IQCN: variants seen among roughly 807,000 people sequenced by gnomAD.
The protein encoded by IQCN is IQ motif containing N.
In IQCN, 46 loss-of-function variants were observed where a neutral mutation model predicts 64.4. That is an observed-to-expected ratio of 0.71 (90% CI 0.56 to 0.91). IQCN has a LOEUF of 0.91. Among genes scored for constraint, IQCN ranks in the 40% least tolerant of loss-of-function variants. IQCN has a pLI of 0.00. For missense variants in IQCN, 1,753 were observed against 1,857.4 expected (o/e 0.94, Z 1.03); for synonymous variants, 733 against 775.6 (o/e 0.95, Z 0.91).
At chr19:18,273,894 T>G (rs1311407817) in intron 1 of IQCN, among the ~76,000 whole-genome samples, 1 of 151,886 alleles carries the variant, frequency 6.6e-6, no homozygotes, top group Admixed American at 6.6e-5. Flanking sequence ...ACTGGCTCGG[T>G]AATTTTGAGT....
Position 18,267,475 on chromosome 19 carries a change from G to GTA in IQCN, c.63_64dup (p.Thr22IlefsTer76). 1 of 1,531,782 alleles carries GTA rather than the reference G, an allele frequency of 6.5e-7. No individual in the cohort carries two copies. Among genetic ancestry groups the GTA allele is most frequent in the South Asian group, 1.3e-5 (1 of 76,204 alleles). The allele number at this position is 1,531,782 out of a possible 1,614,324, so 94.9% of individuals were successfully genotyped here. A position where few individuals can be genotyped will look rare whatever the true frequency, so the allele number is the denominator to read the frequency against. On this transcript the variant is annotated frameshift_variant, in exon 3 of 4. Coordinates refer to ENST00000392413, the MANE Select transcript of IQCN (RefSeq NM_001145304.2). LOFTEE classifies it high-confidence loss of function. ...CTGGGTGACAACTGGCTCGTGAACT[G>GTA]TAGCTAGGCGGCCGGCTGCATTGCC... is the stretch of plus-strand genomic sequence containing the variant.
At chr19:18,268,446 G>C (rs1464466946) in intron 2 of IQCN, among the ~76,000 whole-genome samples, 1 of 152,114 alleles carries the variant, frequency 6.6e-6, no homozygotes, top group Non-Finnish European at 1.5e-5. Flanking sequence ...CTGAATGGAT[G>C]AATCAGTCGA....
chr19:18,263,768 G>A (rs1279431107), intron 3 of IQCN, among the ~76,000 whole-genome samples: 1 of 152,112 alleles, frequency 6.6e-6, no homozygotes, highest in Non-Finnish European at 1.5e-5. Flanking sequence ...GGCCCCCACA[G>A]GTGAGGTAAG....
Position 18,264,855 on chromosome 19 carries a change from G to T in IQCN, c.2685C>A (p.Arg895=), listed in dbSNP as rs1186473220. ...GGGAGAGGGCTTTGGCCAACAGAGT[G>T]CGGAGATCCTCCTGGGATGCCAGCA... The part of the protein sequence containing the change: ...AGVLASQEDL[R]TLLAKALSQG... The change falls in exon 3 of 4, where the codon CGC becomes CGA. Residue 895 remains arginine, a synonymous_variant. Coordinates refer to ENST00000392413, the MANE Select transcript of IQCN (RefSeq NM_001145304.2). The surrounding 1 kb of genome is among the most constrained non-coding windows in gnomAD (Gnocchi z 4.3). 1.9e-6 allele frequency: 3 copies of T among 1,602,244 alleles called. No individual in the cohort carries two copies. In the African/African-American group the frequency reaches 4.0e-5, roughly 21 times the overall value.
In IQCN at chr19:18,266,726, C is replaced by A; in HGVS notation, c.814G>T (p.Val272Phe). 6.2e-7 allele frequency: 1 copy of A among 1,614,072 alleles called. No individual in the cohort carries two copies. The highest frequency in any genetic ancestry group is 8.5e-7 in the Non-Finnish European group (1 of 1,180,014). ...LTRTIRSTCLVHIEGDSVKTK... is the reference protein window; with the variant it reads ...LTRTIRSTCLFHIEGDSVKTK... ...TTCACTGAGTCACCCTCTATGTGGA[C>A]GAGGCAGGTGCTTCTGATGGTTCTG... The change falls in exon 3 of 4, where the codon GTC becomes TTC. Residue 272 changes from valine (V) to phenylalanine (F), a missense_variant. Coordinates refer to ENST00000392413, the MANE Select transcript of IQCN (RefSeq NM_001145304.2). This position sits in a 1 kb window ranked among gnomAD's most constrained non-coding sequence, Gnocchi z 4.3.
At position 18,267,002 on chromosome 19, in the gene IQCN, G is replaced by A. The variant is rs375616518; in HGVS notation, c.538C>T (p.Arg180Cys). ...ACCATGATGGGCGGGGACAGAAGGC[G>A]GTTCTCTTCCGGATGCTGGAAGCGC... Reference protein sequence around the residue: ...QVRFQHPEENRLLSPPIMVNK... With the variant: ...QVRFQHPEENCLLSPPIMVNK... The change falls in exon 3 of 4, where the codon CGC becomes TGC. Residue 180 changes from arginine (R) to cysteine (C), a missense_variant. Transcript: ENST00000392413. 88 of 1,614,096 alleles carry A rather than the reference G, an allele frequency of 5.5e-5. No individual in the cohort carries two copies. Among genetic ancestry groups the A allele is most frequent in the South Asian group, 2.5e-4 (23 of 91,092 alleles).
chr19:18,263,451 G>A (rs1292814736), intron 3 of IQCN, among the ~76,000 whole-genome samples: 1 of 152,206 alleles, frequency 6.6e-6, no homozygotes, highest in African/African-American at 2.4e-5. Flanking sequence ...AGAACCCTGT[G>A]TTCGATTCCT....
Position 18,257,343 on chromosome 19 carries a change from A to G in IQCN, c.3941T>C (p.Phe1314Ser), listed in dbSNP as rs1229322649. Reference sequence around the variant, plus strand: ...CTGCCTCATCTGCTGGCGGATCTTAAAGCCCCTCCAGGCGGACTGGATGGC... The same window carrying G: ...CTGCCTCATCTGCTGGCGGATCTTAGAGCCCCTCCAGGCGGACTGGATGGC... The part of the protein sequence containing the change: ...ATAIQSAWRG[F>S]KIRQQMRQQQ... The change falls in exon 4 of 4, where the codon TTT becomes TCT. Residue 1314 changes from phenylalanine to serine, a missense_variant. By Grantham distance (155) the Phe-to-Ser change is radical (BLOSUM62 -2). Transcript: ENST00000392413. The G allele has an allele frequency of 1.2e-6, 2 of 1,612,928 alleles. No individual in the cohort carries two copies. The highest frequency in any genetic ancestry group is 2.7e-5 in the African/African-American group (2 of 74,950).
chr19:18,271,727 G>A (rs1405512564), intron 1 of IQCN, among the ~76,000 whole-genome samples: 1 of 152,120 alleles, frequency 6.6e-6, no homozygotes, highest in African/African-American at 2.4e-5. Context: ...GATGTGCACT[G>A]GAAACCTAAG....
Position 18,265,118 on chromosome 19 carries a change from G to A in IQCN, c.2422C>T (p.Pro808Ser). ...GTCTTCCCCGGCACGTGTCCGTGGG[G>A]CTGTGGCTGGGTCTGTCTGTCCTCT... ...KPEDRQTQPQ[P>S]HGHVPGKTTQ... Residue 808 changes from proline (P) to serine (S), a missense_variant, in exon 3 of 4, where the codon CCC becomes TCC. Physicochemically the swap from Pro to Ser is moderately conservative, Grantham distance 74. Transcript: ENST00000392413. This position sits in a 1 kb window ranked among gnomAD's most constrained non-coding sequence, Gnocchi z 4.7. The A allele has an allele frequency of 6.2e-7, 1 of 1,604,890 alleles. No individual in the cohort carries two copies. The highest frequency in any genetic ancestry group is 8.5e-7 in the Non-Finnish European group (1 of 1,179,774).
At chr19:18,267,871 C>A (rs2384988) in intron 2 of IQCN, 20,516 of 173,812 alleles carry the variant, frequency 0.12, 3,287 homozygotes, top group African/African-American at 0.39. Context: ...TGGCTCACCA[C>A]AACCTCCGCC....
At chr19:18,274,045 A>G (rs1310577894) in intron 1 of IQCN, among the ~76,000 whole-genome samples, 1 of 152,166 alleles carries the variant, frequency 6.6e-6, no homozygotes, top group African/African-American at 2.4e-5. Context: ...CCAAGGTGGG[A>G]GGATCGCTGC....
In IQCN at chr19:18,264,310, G is replaced by A; in HGVS notation, c.3177+53C>T. ...ATCCCCCATCTCCTCCAAGGGCCCGGCAGGTTGGCCCATGGTGAAACAACC... is the reference window on the plus strand; with the variant it reads ...ATCCCCCATCTCCTCCAAGGGCCCGACAGGTTGGCCCATGGTGAAACAACC... On this transcript the variant is annotated intron_variant, in intron 3 of 3. Transcript: ENST00000392413. This position sits in a 1 kb window ranked among gnomAD's most constrained non-coding sequence, Gnocchi z 4.3. 7.2e-7 allele frequency: 1 copy of A among 1,392,466 alleles called. No individual in the cohort carries two copies. The highest frequency in any genetic ancestry group is 2.8e-5 in the Admixed American group (1 of 35,682). The allele number at this position is 1,392,466 out of a possible 1,614,324, so 86.3% of individuals were successfully genotyped here. A position where few individuals can be genotyped will look rare whatever the true frequency, so the allele number is the denominator to read the frequency against.
At chr19:18,270,724 C>T (rs1969717789) in intron 1 of IQCN, among the ~76,000 whole-genome samples, 1 of 151,748 alleles carries the variant, frequency 6.6e-6, no homozygotes, top group African/African-American at 2.4e-5. Flanking sequence ...ACAATCTCGG[C>T]TCACTGCAAC....
intron 2 of IQCN, chr19:18,267,782 TTTTTC>T (rs1969636148): frequency 2.7e-6 from 1 of 369,988 alleles, no homozygotes; most frequent in Non-Finnish European, 4.6e-6. Flanking sequence ...CTGCTTTTCT[TTTTTC>T]TTTTCTTTTT....
rs746937071 is a variant in IQCN, at chr19:18,264,749, T to C, written c.2791A>G (p.Ser931Gly). ...TTCACCAGCGCCATGCTCAGCATGCTCTGGGGCAGGGCTTTGGTGACAGTG... is the reference window on the plus strand; with the variant it reads ...TTCACCAGCGCCATGCTCAGCATGCCCTGGGGCAGGGCTTTGGTGACAGTG... ...GATVTKALPQ[S>G]MLSMALVKAL... The change falls in exon 3 of 4, where the codon AGC becomes GGC. Residue 931 changes from serine to glycine, a missense_variant. Coordinates refer to ENST00000392413, the MANE Select transcript of IQCN (RefSeq NM_001145304.2). The surrounding 1 kb of genome is among the most constrained non-coding windows in gnomAD (Gnocchi z 4.3). The C allele has an allele frequency of 6.4e-7, 1 of 1,551,140 alleles. No individual in the cohort carries two copies. The highest frequency in any genetic ancestry group is 1.2e-5 in the South Asian group (1 of 84,088).
At chr19:18,273,021 T>C (rs1203679393) in intron 1 of IQCN, among the ~76,000 whole-genome samples, 1 of 152,110 alleles carries the variant, frequency 6.6e-6, no homozygotes, top group Non-Finnish European at 1.5e-5. Flanking sequence ...TTGACACACA[T>C]ATATTTATTA....
rs763964039 is a variant in IQCN at position 18,265,756 on chromosome 19, G to A, written c.1784C>T (p.Ala595Val). ...QPHPGTGVPR[A>V]AAELPLEAEK... is the part of the protein sequence containing the mutation. Reference sequence around the variant, plus strand: ...GGCTTCCAAAGGAAGCTCAGCTGCAGCCCTGGGGACCCCAGTTCCCGGATG... The same window carrying A: ...GGCTTCCAAAGGAAGCTCAGCTGCAACCCTGGGGACCCCAGTTCCCGGATG... Residue 595 changes from alanine to valine, a missense_variant, in exon 3 of 4, where the codon GCT (alanine) becomes GTT (valine). Coordinates refer to ENST00000392413, the MANE Select transcript of IQCN (RefSeq NM_001145304.2). The surrounding 1 kb of genome is among the most constrained non-coding windows in gnomAD (Gnocchi z 4.7). 20 of 1,614,052 alleles carry A rather than the reference G, an allele frequency of 1.2e-5. No individual in the cohort carries two copies. In the African/African-American group the frequency reaches 2.5e-4, roughly 20 times the overall value.
Position 18,257,533 on chromosome 19 carries a change from A to G in IQCN, c.3751T>C (p.Ser1251Pro). 3 of 1,611,944 alleles carry G rather than the reference A, an allele frequency of 1.9e-6. No individual in the cohort carries two copies. Among genetic ancestry groups the G allele is most frequent in the Non-Finnish European group, 2.5e-6 (3 of 1,179,594 alleles). The part of the protein sequence containing the change: ...SPPSVVMLVG[S>P]SPRTCHTCGR... ...CAGGTATGACAGGTGCGAGGGCTGG[A>G]GCCCACTAGCATCACCACGCTGGGC... is the stretch of plus-strand genomic sequence containing the variant. The change falls in exon 4 of 4, where the codon TCC (serine) becomes CCC (proline). Residue 1251 changes from serine (S) to proline (P), a missense_variant. By Grantham distance (74) the Ser-to-Pro change is moderately conservative. Transcript: ENST00000392413.
Sources: gnomAD v4.1 joint callset for allele counts (sites outside exome capture counted in the v4.1 genomes callset) on GRCh38, gnomAD v4.1.1 for gene constraint, Gnocchi (gnomAD v3.1) non-coding constraint, MANE v1.5 for transcripts, NCBI Gene and HGNC (gene_info 2026-07-23, HGNC 2026-07-21) for gene names.